SPMIP2: variants seen among roughly 807,000 people sequenced by gnomAD.
The protein encoded by SPMIP2 is protein SPMIP2.
the SPMIP2 span, among the ~76,000 whole-genome samples, chr4:159,072,180 G>A: frequency 1.3e-5 from 2 of 152,104 alleles, no homozygotes; most frequent in Admixed American, 6.5e-5. Context: ...TAGGTGTTGT[G>A]GCGCATGCCT....
the SPMIP2 span, among the ~76,000 whole-genome samples, chr4:159,065,622 G>A: frequency 3.9e-5 from 6 of 152,186 alleles, no homozygotes; most frequent in Non-Finnish European, 7.3e-5. Context: ...GGAGGCTGAG[G>A]TGGGAGGATC....
the SPMIP2 span, among the ~76,000 whole-genome samples, chr4:158,956,931 ATTTAT>A: frequency 2.6e-5 from 4 of 151,912 alleles, no homozygotes; most frequent in South Asian, 6.2e-4. Flanking sequence ...TTTCTTTTTT[ATTTAT>A]TTATTTTTTT....
chr4:159,068,325 C>T, the SPMIP2 span, among the ~76,000 whole-genome samples: 1 of 152,158 alleles, frequency 6.6e-6, no homozygotes, highest in Non-Finnish European at 1.5e-5. Context: ...GAATACTATG[C>T]AGCCGTAAAA....
chr4:158,904,021 A>G, the SPMIP2 span, among the ~76,000 whole-genome samples: 1 of 152,240 alleles, frequency 6.6e-6, no homozygotes, highest in Non-Finnish European at 1.5e-5. Flanking sequence ...AATGTTTTTT[A>G]AGAAATTGCT....
chr4:158,932,481 C>A, the SPMIP2 span, among the ~76,000 whole-genome samples: 11 of 152,130 alleles, frequency 7.2e-5, no homozygotes, highest in Admixed American at 3.3e-4. Context: ...AACATACATA[C>A]ATACATACAT....
the SPMIP2 span, among the ~76,000 whole-genome samples, chr4:158,920,332 G>C: frequency 1.3e-5 from 2 of 152,180 alleles, no homozygotes; most frequent in African/African-American, 4.8e-5. Flanking sequence ...AACAAGGGAA[G>C]ACAACCATAA....
At chr4:159,078,727 A>C in the SPMIP2 span, among the ~76,000 whole-genome samples, 1 of 152,148 alleles carries the variant, frequency 6.6e-6, no homozygotes, top group Non-Finnish European at 1.5e-5. Context: ...CAAATTTCTC[A>C]CTTGACATTG....
At chr4:159,008,303 T>G in the SPMIP2 span, among the ~76,000 whole-genome samples, 2 of 152,238 alleles carry the variant, frequency 1.3e-5, no homozygotes, top group South Asian at 2.1e-4. Flanking sequence ...TCGGGCATGG[T>G]GGCTCATGCC....
At chr4:158,901,065 A>C in the SPMIP2 span, among the ~76,000 whole-genome samples, 1 of 151,660 alleles carries the variant, frequency 6.6e-6, no homozygotes, top group East Asian at 1.9e-4. Context: ...TTGTCTGTAA[A>C]GGATTTTATT....
At chr4:158,993,942 C>T in the SPMIP2 span, among the ~76,000 whole-genome samples, 1 of 152,224 alleles carries the variant, frequency 6.6e-6, no homozygotes, top group Non-Finnish European at 1.5e-5. Context: ...ATAATGTCTT[C>T]CTAATCTGAC....
the SPMIP2 span, among the ~76,000 whole-genome samples, chr4:158,923,748 T>C: frequency 5.3e-5 from 8 of 152,244 alleles, no homozygotes; most frequent in African/African-American, 1.9e-4. Flanking sequence ...TATCACAAGG[T>C]TGAATAGACA....
At chr4:158,968,736 GCT>G in the SPMIP2 span, among the ~76,000 whole-genome samples, 9 of 152,256 alleles carry the variant, frequency 5.9e-5, no homozygotes, top group African/African-American at 1.9e-4. Flanking sequence ...ATCAATTGTA[GCT>G]CTTTTTGTGT....
At chr4:158,942,869 TC>T in the SPMIP2 span, among the ~76,000 whole-genome samples, 5 of 152,152 alleles carry the variant, frequency 3.3e-5, no homozygotes, top group African/African-American at 1.2e-4. Flanking sequence ...CCTAATATAC[TC>T]AGGTAAAATT....
At chr4:158,986,354 T>C in the SPMIP2 span, among the ~76,000 whole-genome samples, 679 of 152,252 alleles carry the variant, frequency 4.5e-3, 5 homozygotes, top group Middle Eastern at 0.02. Context: ...AGAACAAAGC[T>C]GGAGGCATCA....
chr4:159,026,153 G>A, the SPMIP2 span: 1 of 365,386 alleles, frequency 2.7e-6, no homozygotes, highest in Non-Finnish European at 5.5e-6. Flanking sequence ...GGAAGATGAT[G>A]CCTAGTGGAC....
the SPMIP2 span, among the ~76,000 whole-genome samples, chr4:159,002,347 T>A: frequency 2.3e-5 from 3 of 131,792 alleles, no homozygotes; most frequent in Non-Finnish European, 5.2e-5. Flanking sequence ...CAGAAGTTTT[T>A]AATTTTGATA....
the SPMIP2 span, among the ~76,000 whole-genome samples, chr4:158,969,716 C>G: frequency 6.6e-6 from 1 of 152,234 alleles, no homozygotes; most frequent in Middle Eastern, 3.4e-3. Context: ...GGCATTTTAC[C>G]AAGACTCTAT....
At chr4:158,963,946 G>T in the SPMIP2 span, among the ~76,000 whole-genome samples, 1 of 152,078 alleles carries the variant, frequency 6.6e-6, no homozygotes, top group African/African-American at 2.4e-5. Context: ...ATGAGGTCAG[G>T]AGATCAAGAC....
chr4:159,034,969 CAT>C, the SPMIP2 span: 3 of 1,177,628 alleles, frequency 2.5e-6, no homozygotes, highest in South Asian at 1.3e-5. Context: ...ATATAAAAAT[CAT>C]ATATGTGAGA....
Sources: allele counts gnomAD v4.1 joint callset (sites outside exome capture counted in the v4.1 genomes callset), GRCh38; gene constraint gnomAD v4.1.1; transcripts MANE v1.5; gene names NCBI Gene and HGNC (gene_info 2026-07-23, HGNC 2026-07-21).